JAZF1: variants seen among roughly 807,000 people sequenced by gnomAD.
JAZF1 encodes the protein JAZF zinc finger 1.
In JAZF1, 8 loss-of-function variants were observed where a neutral mutation model predicts 26.4. That is an observed-to-expected ratio of 0.30 (90% CI 0.18 to 0.55). JAZF1 has a LOEUF of 0.55. JAZF1 is among the 20% of genes least tolerant of loss of function. JAZF1 has a pLI of 0.94. For missense variants in JAZF1, 199 were observed against 322.0 expected (o/e 0.62, Z 2.92); for synonymous variants, 126 against 122.3 (o/e 1.03, Z -0.20).
chr7:27,914,886 A>G (rs1236244943), intron 2 of JAZF1: 1 of 468,968 alleles, frequency 2.1e-6, no homozygotes, highest in Admixed American at 2.4e-5. Context: ...TAGTGTGCTC[A>G]TAGGACCTAG....
In JAZF1 at chr7:27,832,906, TTGAA is replaced by T; in HGVS notation, c.622_625del (p.Phe208SerfsTer68). 1 of 1,613,532 alleles carries T rather than the reference TTGAA, an allele frequency of 6.2e-7. No homozygotes were observed. The highest frequency in any genetic ancestry group is 8.5e-7 in the Non-Finnish European group (1 of 1,179,750). On this transcript the variant is annotated frameshift_variant, in exon 5 of 5. Transcript: ENST00000283928. LOFTEE classifies it high-confidence loss of function. ...CTTGTAACTCTTCCCACAGCGACAC[TTGAA>T]TGGTTTGCGGACACGAATCTGTGTT...
chr7:27,834,479 C>A (rs1782768018), intron 4 of JAZF1, among the ~76,000 whole-genome samples: 1 of 152,224 alleles, frequency 6.6e-6, no homozygotes, highest in Non-Finnish European at 1.5e-5. Flanking sequence ...ACACTCTCCC[C>A]TGAACACCTG....
chr7:28,162,519 T>C (rs561015144), intron 1 of JAZF1, among the ~76,000 whole-genome samples: 1 of 152,320 alleles, frequency 6.6e-6, no homozygotes, highest in Non-Finnish European at 1.5e-5. Flanking sequence ...TGACCGCTCC[T>C]TGGGATCAGT....
chr7:28,136,134 G>C (rs761315912), intron 1 of JAZF1, among the ~76,000 whole-genome samples: 2 of 152,208 alleles, frequency 1.3e-5, no homozygotes, highest in Non-Finnish European at 2.9e-5. Context: ...TCGCAGCAGG[G>C]AGTAATTACT....
At chr7:27,974,096 C>T (rs1229775356) in intron 2 of JAZF1, among the ~76,000 whole-genome samples, 1 of 151,702 alleles carries the variant, frequency 6.6e-6, no homozygotes, top group African/African-American at 2.4e-5. Context: ...TAGTATGAAT[C>T]AAAAAAAGAG....
At chr7:28,004,168 T>C (rs1168715232) in intron 1 of JAZF1, among the ~76,000 whole-genome samples, 1 of 152,150 alleles carries the variant, frequency 6.6e-6, no homozygotes, top group Non-Finnish European at 1.5e-5. Context: ...TTTAAGTACC[T>C]GGACTTTAGA....
chr7:27,872,384 G>A (rs1041933859), intron 3 of JAZF1, among the ~76,000 whole-genome samples: 1 of 152,104 alleles, frequency 6.6e-6, no homozygotes, highest in Non-Finnish European at 1.5e-5. Flanking sequence ...TATATAAAAC[G>A]TCGAACAGAC....
At chr7:28,046,815 A>G (rs1783505322) in intron 1 of JAZF1, among the ~76,000 whole-genome samples, 1 of 152,086 alleles carries the variant, frequency 6.6e-6, no homozygotes, top group Admixed American at 6.5e-5. Flanking sequence ...ACATTGATCT[A>G]TTTCATTGTC....
chr7:28,050,491 T>C (rs1374479068), intron 1 of JAZF1, among the ~76,000 whole-genome samples: 1 of 149,952 alleles, frequency 6.7e-6, no homozygotes, highest in Non-Finnish European at 1.5e-5. Flanking sequence ...CTTATATGAA[T>C]TGTATTCCAC....
intron 2 of JAZF1, among the ~76,000 whole-genome samples, chr7:27,941,212 T>C (rs1160696687): frequency 6.6e-6 from 1 of 152,192 alleles, no homozygotes; most frequent in Non-Finnish European, 1.5e-5. Flanking sequence ...GGCAATCAAT[T>C]AGGAATAAGA....
rs1783722857 is a variant in JAZF1 at position 27,878,808 on chromosome 7, A to C, written c.385+16412T>G. 3.3e-5 allele frequency among the ~76,000 whole-genome samples: 5 copies of C among 152,316 alleles called. 1 individual carries two copies. In the South Asian group the frequency reaches 1.0e-3, roughly 32 times the overall value. On this transcript the variant is annotated intron_variant, in intron 3 of 4. Coordinates refer to ENST00000283928, the MANE Select transcript of JAZF1 (RefSeq NM_175061.4). ...TGGCCTCTTTGACTATCATTTTAAA[A>C]GAGAGCAGTAGGTGGAAACAGCCCC...
At chr7:28,154,027 C>T (rs1783145799) in intron 1 of JAZF1, among the ~76,000 whole-genome samples, 1 of 152,110 alleles carries the variant, frequency 6.6e-6, no homozygotes, top group South Asian at 2.1e-4. Context: ...GCCAAGAATT[C>T]TCAGTCCCTG....
intron 1 of JAZF1, among the ~76,000 whole-genome samples, chr7:28,173,541 A>G (rs1256768005): frequency 6.6e-6 from 1 of 152,162 alleles, no homozygotes; most frequent in Non-Finnish European, 1.5e-5. Flanking sequence ...TTATTTCTAT[A>G]TATCAATTAT....
intron 1 of JAZF1, among the ~76,000 whole-genome samples, chr7:28,090,752 C>G (rs981840965): frequency 6.6e-6 from 1 of 151,452 alleles, no homozygotes; most frequent in Non-Finnish European, 1.5e-5. Flanking sequence ...TCCTCATTCT[C>G]TGTCTTCCTC....
intron 3 of JAZF1, among the ~76,000 whole-genome samples, chr7:27,864,487 CAA>C (rs1783437821): frequency 6.6e-6 from 1 of 152,166 alleles, no homozygotes; most frequent in Non-Finnish European, 1.5e-5. Context: ...AGTTTGGAGT[CAA>C]AACCCATGGG....
chr7:27,912,794 G>C (rs1323571119), intron 2 of JAZF1, among the ~76,000 whole-genome samples: 1 of 152,050 alleles, frequency 6.6e-6, no homozygotes, highest in African/African-American at 2.4e-5. Flanking sequence ...GGAATTCTGG[G>C]AATTAAAATG....
intron 1 of JAZF1, among the ~76,000 whole-genome samples, chr7:28,125,958 G>C (rs554238151): frequency 6.6e-6 from 1 of 152,198 alleles, no homozygotes; most frequent in South Asian, 2.1e-4. Flanking sequence ...TTTTCAGATG[G>C]AACAAGACCT....
chr7:28,065,353 C>T lies in JAZF1; in HGVS notation c.116-73372G>A, dbSNP rs182180734. ...GCGCCTCAAGAGAACAATCAGACAG[C>T]GAGGTGAGGGAATGGAAGAAACACA... is the stretch of plus-strand genomic sequence containing the variant. On this transcript the variant is annotated intron_variant, in intron 1 of 4. Coordinates refer to ENST00000283928, the MANE Select transcript of JAZF1 (RefSeq NM_175061.4). Among the ~76,000 whole-genome samples the T allele has an allele frequency of 3.0e-4, 41 of 138,106 alleles. No homozygotes were observed. In the East Asian group the frequency reaches 7.6e-3, roughly 26 times the overall value. The allele number at this position is 138,106 out of a possible 152,430, so 90.6% of individuals were successfully genotyped here.
chr7:27,918,995 T>C (rs756217525), intron 2 of JAZF1, among the ~76,000 whole-genome samples: 2 of 152,228 alleles, frequency 1.3e-5, no homozygotes, highest in Admixed American at 6.5e-5. Context: ...CCTAGTCCTT[T>C]GTCTTCAGAT....
Sources: gnomAD v4.1 joint callset for allele counts (sites outside exome capture counted in the v4.1 genomes callset) on GRCh38, gnomAD v4.1.1 for gene constraint, MANE v1.5 for transcripts, NCBI Gene and HGNC (gene_info 2026-07-23, HGNC 2026-07-21) for gene names.